ADCY8: variants seen among roughly 807,000 people sequenced by gnomAD.
ADCY8 encodes adenylate cyclase type 8.
Under a neutral mutation model 119.7 loss-of-function variants are expected in ADCY8, and 51 were observed. The ratio of observed to expected loss-of-function variants is 0.43; its 90% CI spans 0.34 to 0.54. ADCY8 has a LOEUF of 0.54. Ranked by LOEUF, ADCY8 falls within the 20% of genes least tolerant of loss-of-function variation. ADCY8 has a pLI of 0.03. For synonymous variants in ADCY8, 665 were observed against 651.0 expected (o/e 1.02, Z -0.33); for missense variants, 1,383 against 1,598.8 (o/e 0.87, Z 2.30).
chr8:130,903,980 C>A lies in ADCY8; in HGVS notation c.1703G>T (p.Gly568Val). The change falls in exon 7 of 18, where the codon GGC (glycine) becomes GTC (valine). Residue 568 changes from glycine to valine, a missense_variant. By Grantham distance (109) the Gly-to-Val change is moderately radical. Coordinates refer to ENST00000286355, the MANE Select transcript of ADCY8 (RefSeq NM_001115.3). ...CLNGDYNVEEGHGKERNEFLR... is the reference protein window; with the variant it reads ...CLNGDYNVEEVHGKERNEFLR... ...GAATTCATTCCTCTCTTTACCATGG[C>A]CCTCTTCCACGTTATAGTCACCGTT... 6.2e-7 allele frequency: 1 copy of A among 1,614,160 alleles called. No homozygotes were observed. The highest frequency in any genetic ancestry group is 8.5e-7 in the Non-Finnish European group (1 of 1,180,022).
intron 12 of ADCY8, 73 bp downstream of exon 12, chr8:130,836,204 C>T (rs1388454847): frequency 2.1e-6 from 3 of 1,454,338 alleles, no homozygotes; most frequent in East Asian, 4.6e-5. Flanking sequence ...ATGCAGCGGG[C>T]ATCATTTTCC....
chr8:130,788,739 C>T (rs117741704), intron 15 of ADCY8, among the ~76,000 whole-genome samples: 1,585 of 152,002 alleles, frequency 0.01, 18 homozygotes, highest in Middle Eastern at 0.031. Context: ...TCACATTGTA[C>T]TCTATAATAT....
At chr8:130,792,652 C>T (rs1382309949) in intron 15 of ADCY8, among the ~76,000 whole-genome samples, 1 of 152,238 alleles carries the variant, frequency 6.6e-6, no homozygotes. Context: ...CATTCAGGTT[C>T]TGACCCTGTC....
intron 7 of ADCY8, among the ~76,000 whole-genome samples, chr8:130,898,403 T>C (rs1819481543): frequency 3.3e-5 from 5 of 151,798 alleles, no homozygotes; most frequent in Admixed American, 3.3e-4. Flanking sequence ...TTGCTCTCCA[T>C]TTGTTACATG....
At chr8:130,784,456 T>C (rs1295746675) in intron 16 of ADCY8, among the ~76,000 whole-genome samples, 2 of 152,330 alleles carry the variant, frequency 1.3e-5, no homozygotes, top group East Asian at 1.9e-4. Context: ...AGATTTTTTA[T>C]ATGAGAGAAC....
At chr8:130,880,287 A>C (rs1166572134) in intron 8 of ADCY8, among the ~76,000 whole-genome samples, 1 of 152,208 alleles carries the variant, frequency 6.6e-6, no homozygotes, top group Admixed American at 6.5e-5. Context: ...CAGAATGGTA[A>C]CAGTGGTTAC....
chr8:130,786,878 T>G (rs1452776565), intron 15 of ADCY8, among the ~76,000 whole-genome samples: 2 of 152,046 alleles, frequency 1.3e-5, no homozygotes, highest in African/African-American at 4.8e-5. Context: ...GGAGGGGTTT[T>G]TCTAGCAGTG....
chr8:131,014,122 T>C (rs1015051284), intron 1 of ADCY8, among the ~76,000 whole-genome samples: 1 of 152,206 alleles, frequency 6.6e-6, no homozygotes, highest in South Asian at 2.1e-4. Flanking sequence ...CTGATGAGTA[T>C]AGAGAATAGA....
intron 4 of ADCY8, among the ~76,000 whole-genome samples, chr8:130,937,905 T>C (rs1219308502): frequency 6.6e-6 from 1 of 152,158 alleles, no homozygotes; most frequent in Non-Finnish European, 1.5e-5. Flanking sequence ...TGGGTTGTTT[T>C]TTATCTCCAT....
chr8:130,821,351 A>C lies in ADCY8; in HGVS notation c.2745T>G (p.His915Gln), dbSNP rs377504346. Residue 915 changes from histidine to glutamine, a missense_variant, in exon 13 of 18, where the codon CAT becomes CAG. By Grantham distance (24) the His-to-Gln change is conservative. Around this residue, in one of 2 missense-constraint regions of ADCY8, gnomAD observed 928 missense variants for 1,163.5 expected, o/e 0.80. Transcript: ENST00000286355. ...CGAAATGTTAGATTACCTGCTGTCCATGGTAGAACACAGCCAGGAGGAACA... is the reference window on the plus strand; with the variant it reads ...CGAAATGTTAGATTACCTGCTGTCCCTGGTAGAACACAGCCAGGAGGAACA... ...MAMFLLAVFYHGQQLEYTARL... is the reference protein window; with the variant it reads ...MAMFLLAVFYQGQQLEYTARL... 52 of 1,612,940 alleles carry C rather than the reference A, an allele frequency of 3.2e-5. No homozygotes were observed. The highest frequency in any genetic ancestry group is 4.2e-5 in the Non-Finnish European group (49 of 1,179,204).
chr8:130,786,686 A>T (rs1244093417), intron 15 of ADCY8, among the ~76,000 whole-genome samples: 1 of 152,362 alleles, frequency 6.6e-6, no homozygotes. Flanking sequence ...TACCAACCCA[A>T]GTAGGGAGGT....
At chr8:130,997,502 C>A (rs536809886) in intron 1 of ADCY8, among the ~76,000 whole-genome samples, 3 of 152,052 alleles carry the variant, frequency 2.0e-5, no homozygotes, top group Non-Finnish European at 4.4e-5. Context: ...GTCTGAGAAG[C>A]AGAGCAGGAT....
At chr8:130,984,486 T>C (rs1302555350) in intron 2 of ADCY8, among the ~76,000 whole-genome samples, 2 of 152,074 alleles carry the variant, frequency 1.3e-5, no homozygotes, top group Non-Finnish European at 2.9e-5. Flanking sequence ...TTAGTTTTTT[T>C]TTTTTTTTAA....
In ADCY8 at chr8:130,943,334, A is replaced by C; in HGVS notation, c.1353+17T>G. The C allele has an allele frequency of 6.3e-7, 1 of 1,580,412 alleles. No individual in the cohort carries two copies. The highest frequency in any genetic ancestry group is 8.7e-7 in the Non-Finnish European group (1 of 1,149,730). On this transcript the variant is annotated intron_variant, in intron 4 of 17. Coordinates refer to ENST00000286355, the MANE Select transcript of ADCY8 (RefSeq NM_001115.3). ...TCACTCCTGCAAAAGACGAGGAGGA[A>C]ATTAAATTCAACTCACATGGGCCAG...
At chr8:130,871,720 C>G (rs1162227045) in intron 8 of ADCY8, among the ~76,000 whole-genome samples, 1 of 152,120 alleles carries the variant, frequency 6.6e-6, no homozygotes, top group African/African-American at 2.4e-5. Context: ...CTGATTTTTC[C>G]ACCATGTTAT....
intron 9 of ADCY8, among the ~76,000 whole-genome samples, chr8:130,863,449 A>G (rs1818013168): frequency 1.3e-5 from 2 of 151,570 alleles, no homozygotes; most frequent in South Asian, 2.1e-4. Context: ...TCTTGAGACC[A>G]TTAACATCAA....
At chr8:130,864,545 C>T (rs920743492) in intron 9 of ADCY8, among the ~76,000 whole-genome samples, 1 of 152,142 alleles carries the variant, frequency 6.6e-6, no homozygotes, top group African/African-American at 2.4e-5. Context: ...CCCTGCCCAA[C>T]CCCCATTCAC....
chr8:130,920,047 G>A (rs1257907082), intron 5 of ADCY8, among the ~76,000 whole-genome samples: 1 of 151,334 alleles, frequency 6.6e-6, no homozygotes, highest in Non-Finnish European at 1.5e-5. Context: ...GAAGGCTGAG[G>A]TGGGAAGATC....
intron 5 of ADCY8, among the ~76,000 whole-genome samples, chr8:130,925,112 G>C (rs1431770761): frequency 2.0e-5 from 3 of 152,114 alleles, no homozygotes; most frequent in South Asian, 2.1e-4. Flanking sequence ...GGCTGAGGCA[G>C]GAGAATTGCT....
Sources: allele counts gnomAD v4.1 joint callset (sites outside exome capture counted in the v4.1 genomes callset), GRCh38; gene constraint gnomAD v4.1.1; regional missense constraint gnomAD v4.1.1; transcripts MANE v1.5; gene names NCBI Gene and HGNC (gene_info 2026-07-23, HGNC 2026-07-21).